The following RTN1 variants were observed in gnomAD, a reference collection of about 807,000 sequenced individuals.
The protein encoded by RTN1 is reticulon-1.
RTN1 carries 25 observed loss-of-function variants against 65.5 expected under a neutral mutation model. The ratio of observed to expected loss-of-function variants is 0.38; its 90% CI spans 0.28 to 0.53. The LOEUF is 0.53. RTN1 is among the 20% of genes least tolerant of loss of function. RTN1 has a pLI of 0.79. For synonymous variants in RTN1, 471 were observed against 447.6 expected (o/e 1.05, Z -0.66); for missense variants, 983 against 1,025.4 (o/e 0.96, Z 0.57).
intron 3 of RTN1, among the ~76,000 whole-genome samples, chr14:59,712,931 G>C (rs1333399355): frequency 6.8e-6 from 1 of 146,430 alleles, no homozygotes; most frequent in South Asian, 2.1e-4. Context: ...AAAAAAAAAT[G>C]AGTAACTGTA....
intron 1 of RTN1, among the ~76,000 whole-genome samples, chr14:59,783,301 C>T (rs1410210176): frequency 2.6e-5 from 4 of 151,866 alleles, no homozygotes; most frequent in Non-Finnish European, 5.9e-5. Context: ...TGGGGTGGGG[C>T]GTAGAGAGGG....
At chr14:59,617,407 C>G (rs368576854) in intron 3 of RTN1, among the ~76,000 whole-genome samples, 1 of 152,192 alleles carries the variant, frequency 6.6e-6, no homozygotes, top group Non-Finnish European at 1.5e-5. Context: ...CTTAACAGAA[C>G]AGAGTTCTAT....
intron 1 of RTN1, among the ~76,000 whole-genome samples, chr14:59,853,032 T>G (rs550971359): frequency 6.6e-6 from 1 of 152,214 alleles, no homozygotes; most frequent in Non-Finnish European, 1.5e-5. Flanking sequence ...CATGAAACTA[T>G]TGCCCCTGTG....
chr14:59,745,366 AGCAG>A (rs1885195285), intron 2 of RTN1, among the ~76,000 whole-genome samples: 1 of 152,210 alleles, frequency 6.6e-6, no homozygotes, highest in South Asian at 2.1e-4. Flanking sequence ...CTAACTGAGA[AGCAG>A]GCAGTACTGA....
At position 59,774,676 on chromosome 14, in the gene RTN1, C is replaced by G. The variant is rs1487780467; in HGVS notation, c.242-28195G>C. Reference sequence around the variant, plus strand: ...ATTTATATGTGTATTCTTAATGTTCCTTTCTAAATAAACCATTAACAGTGT... The same window carrying G: ...ATTTATATGTGTATTCTTAATGTTCGTTTCTAAATAAACCATTAACAGTGT... On this transcript the variant is annotated intron_variant, in intron 1 of 8. Coordinates refer to ENST00000267484, the MANE Select transcript of RTN1 (RefSeq NM_021136.3). This position sits in a 1 kb window ranked among gnomAD's most constrained non-coding sequence, Gnocchi z 5.1. Among the ~76,000 whole-genome samples the G allele has an allele frequency of 2.0e-5, 3 of 152,012 alleles. No individual in the cohort carries two copies. Among genetic ancestry groups the G allele is most frequent in the African/African-American group, 7.3e-5 (3 of 41,368 alleles).
At chr14:59,709,878 A>G (rs1884378395) in intron 3 of RTN1, among the ~76,000 whole-genome samples, 1 of 152,016 alleles carries the variant, frequency 6.6e-6, no homozygotes, top group African/African-American at 2.4e-5. Flanking sequence ...CCCAAATACT[A>G]CTTCAAATAT....
At chr14:59,744,937 T>C (rs1448634941) in intron 2 of RTN1, among the ~76,000 whole-genome samples, 3 of 152,128 alleles carry the variant, frequency 2.0e-5, no homozygotes, top group Admixed American at 2.0e-4. Flanking sequence ...AATGTGGCAG[T>C]ATTGAGAGGT....
intron 1 of RTN1, among the ~76,000 whole-genome samples, chr14:59,859,244 T>C (rs924668931): frequency 1.3e-5 from 2 of 152,166 alleles, no homozygotes; most frequent in African/African-American, 4.8e-5. Flanking sequence ...ACAGACCCAG[T>C]GGGAGGTAAT....
chr14:59,645,656 G>A (rs1216541686), intron 3 of RTN1, among the ~76,000 whole-genome samples: 1 of 152,142 alleles, frequency 6.6e-6, no homozygotes, highest in South Asian at 2.1e-4. Flanking sequence ...GAGAGTCCAT[G>A]GGGACCCGGC....
chr14:59,713,136 G>A (rs553007212), intron 3 of RTN1, among the ~76,000 whole-genome samples: 9 of 152,232 alleles, frequency 5.9e-5, no homozygotes, highest in Admixed American at 4.6e-4. Flanking sequence ...CTTGTCCAGA[G>A]TCACATAGCT....
intron 1 of RTN1, among the ~76,000 whole-genome samples, chr14:59,791,027 C>T (rs1345065522): frequency 6.6e-6 from 1 of 152,070 alleles, no homozygotes; most frequent in African/African-American, 2.4e-5. Context: ...TTATCTCATT[C>T]GATAGCCATA....
intron 1 of RTN1, among the ~76,000 whole-genome samples, chr14:59,751,565 C>T (rs1885523332): frequency 1.3e-5 from 2 of 152,064 alleles, no homozygotes; most frequent in African/African-American, 4.8e-5. Flanking sequence ...GGGGTTTGTC[C>T]ATATAAATGA....
At chr14:59,743,731 T>TG (rs1885159414) in intron 2 of RTN1, among the ~76,000 whole-genome samples, 2 of 151,566 alleles carry the variant, frequency 1.3e-5, no homozygotes, top group African/African-American at 4.9e-5. Flanking sequence ...CCTCTTTGTT[T>TG]CCCCTGTTCC....
intron 3 of RTN1, among the ~76,000 whole-genome samples, chr14:59,708,429 G>A (rs913269107): frequency 1.3e-5 from 2 of 152,242 alleles, no homozygotes; most frequent in African/African-American, 4.8e-5. Flanking sequence ...TAAACACACA[G>A]CTTGTTCCAA....
At chr14:59,687,911 ACCTCC>A (rs1215010965) in intron 3 of RTN1, among the ~76,000 whole-genome samples, 2 of 152,090 alleles carry the variant, frequency 1.3e-5, no homozygotes, top group African/African-American at 4.8e-5. Flanking sequence ...GCCCAGGCAG[ACCTCC>A]AGGCATACAG....
chr14:59,609,831 G>A (rs1881890644), intron 3 of RTN1, among the ~76,000 whole-genome samples: 1 of 152,224 alleles, frequency 6.6e-6, no homozygotes, highest in South Asian at 2.1e-4. Flanking sequence ...GCTTTGTGCT[G>A]GAGGTGGGGA....
At chr14:59,645,174 C>T (rs1264442941) in intron 3 of RTN1, among the ~76,000 whole-genome samples, 1 of 151,520 alleles carries the variant, frequency 6.6e-6, no homozygotes, top group Non-Finnish European at 1.5e-5. Context: ...CTACCCTCGC[C>T]AGTATGTTCA....
At chr14:59,705,228 A>G (rs1192490522) in intron 3 of RTN1, among the ~76,000 whole-genome samples, 1 of 152,176 alleles carries the variant, frequency 6.6e-6, no homozygotes, top group Non-Finnish European at 1.5e-5. Context: ...AGGAGTTCAT[A>G]TAGTTATCTG....
intron 1 of RTN1, among the ~76,000 whole-genome samples, chr14:59,806,744 T>C (rs1216268874): frequency 6.6e-6 from 1 of 152,206 alleles, no homozygotes; most frequent in South Asian, 2.1e-4. Context: ...GCATCAGTTT[T>C]CTAAGGATAA....
Sources: gnomAD v4.1 joint callset for allele counts (sites outside exome capture counted in the v4.1 genomes callset) on GRCh38, gnomAD v4.1.1 for gene constraint, Gnocchi (gnomAD v3.1) non-coding constraint, MANE v1.5 for transcripts, NCBI Gene and HGNC (gene_info 2026-07-23, HGNC 2026-07-21) for gene names.